Variants in EYS observed in about 807,000 individuals in gnomAD.
The protein encoded by EYS is EGF-like photoreceptor maintenance factor, also known as protein eyes shut homolog.
A neutral mutation model predicts 282.1 loss-of-function variants in EYS; 250 were observed. The observed-to-expected ratio is 0.89, with a 90% CI of 0.80 to 0.98. EYS has a LOEUF of 0.98. Ranked by LOEUF, EYS falls within the 50% of genes least tolerant of loss-of-function variation. EYS has a pLI of 0.00. For synonymous variants in EYS, 1,355 were observed against 1,282.9 expected (o/e 1.06, Z -1.20); for missense variants, 4,016 against 3,709.0 (o/e 1.08, Z -2.15).
At chr6:64,983,413 G>C (rs1003582513) in intron 14 of EYS, among the ~76,000 whole-genome samples, 1 of 151,134 alleles carries the variant, frequency 6.6e-6, no homozygotes, top group Non-Finnish European at 1.5e-5. Flanking sequence ...ATTTGTGTCA[G>C]GATAAATAGA....
intron 2 of EYS, among the ~76,000 whole-genome samples, chr6:65,633,757 C>T (rs1270169419): frequency 6.6e-6 from 1 of 152,202 alleles, no homozygotes; most frequent in Non-Finnish European, 1.5e-5. Flanking sequence ...GGTCAGCAAA[C>T]TAAAGCCCAC....
chr6:63,954,764 T>C (rs1008449492), intron 35 of EYS, among the ~76,000 whole-genome samples: 10 of 152,180 alleles, frequency 6.6e-5, no homozygotes, highest in African/African-American at 2.2e-4. Flanking sequence ...AAGCAAATGG[T>C]TCTTGGACCA....
At chr6:63,855,069 A>G (rs1169140768) in intron 36 of EYS, among the ~76,000 whole-genome samples, 3 of 152,232 alleles carry the variant, frequency 2.0e-5, no homozygotes, top group African/African-American at 7.2e-5. Flanking sequence ...AGAAAGAAGA[A>G]TTCCTTGGTT....
At chr6:63,757,554 C>T (rs1325666296) in intron 41 of EYS, among the ~76,000 whole-genome samples, 1 of 152,086 alleles carries the variant, frequency 6.6e-6, no homozygotes, top group Non-Finnish European at 1.5e-5. Flanking sequence ...ACTCCCTGTT[C>T]ATACACCCCC....
chr6:63,939,716 T>G (rs1765177005), intron 35 of EYS, among the ~76,000 whole-genome samples: 1 of 151,972 alleles, frequency 6.6e-6, no homozygotes, highest in Non-Finnish European at 1.5e-5. Context: ...GAAAAAAAAC[T>G]AAGGAAAAGA....
intron 29 of EYS, among the ~76,000 whole-genome samples, chr6:64,319,146 C>A (rs755944572): frequency 9.9e-5 from 15 of 151,864 alleles, no homozygotes; most frequent in East Asian, 1.9e-4. Flanking sequence ...ACTGATTTAG[C>A]CCAATTTAAG....
At chr6:65,530,436 A>G (rs1379211858) in intron 2 of EYS, among the ~76,000 whole-genome samples, 1 of 152,216 alleles carries the variant, frequency 6.6e-6, no homozygotes, top group Non-Finnish European at 1.5e-5. Context: ...ATGACTTCTA[A>G]GCTACAAGAT....
chr6:64,916,435 G>C (rs957202690), intron 15 of EYS, among the ~76,000 whole-genome samples: 1 of 152,114 alleles, frequency 6.6e-6, no homozygotes, highest in African/African-American at 2.4e-5. Flanking sequence ...GAGATAACAT[G>C]GATGTTTTAT....
At chr6:65,522,835 C>T (rs1349410104) in intron 2 of EYS, among the ~76,000 whole-genome samples, 1 of 152,102 alleles carries the variant, frequency 6.6e-6, no homozygotes, top group Non-Finnish European at 1.5e-5. Flanking sequence ...GAACTTTTCA[C>T]ATTTTATGGC....
chr6:65,302,003 A>AT (rs75519588), intron 11 of EYS, among the ~76,000 whole-genome samples: 493 of 152,222 alleles, frequency 3.2e-3, no homozygotes, highest in Middle Eastern at 0.01. Context: ...TGAAAAACTG[A>AT]TTTTTTTTGT....
At chr6:64,790,732 A>G (rs890958778) in intron 22 of EYS, among the ~76,000 whole-genome samples, 7 of 151,904 alleles carry the variant, frequency 4.6e-5, no homozygotes, top group East Asian at 1.9e-4. Context: ...TCTTACTTCT[A>G]TGTAAGGTTT....
chr6:64,866,152 T>C (rs182670957), intron 19 of EYS, among the ~76,000 whole-genome samples: 2 of 152,102 alleles, frequency 1.3e-5, no homozygotes, highest in African/African-American at 4.8e-5. Context: ...ATTCTTTGCA[T>C]GTTCATGAAA....
At chr6:65,698,265 T>G (rs1417084203) in intron 1 of EYS, among the ~76,000 whole-genome samples, 1 of 152,146 alleles carries the variant, frequency 6.6e-6, no homozygotes, top group Non-Finnish European at 1.5e-5. Context: ...ATTGCTTAAT[T>G]GAGAAGCATA....
chr6:64,237,200 A>C (rs1766637777), intron 30 of EYS, among the ~76,000 whole-genome samples: 1 of 152,186 alleles, frequency 6.6e-6, no homozygotes, highest in East Asian at 1.9e-4. Context: ...AATAAGTGTC[A>C]TATGCAGAAT....
intron 31 of EYS, among the ~76,000 whole-genome samples, chr6:64,174,383 A>G (rs1266643767): frequency 6.6e-6 from 1 of 152,084 alleles, no homozygotes; most frequent in Non-Finnish European, 1.5e-5. Context: ...TTTGTTAAAT[A>G]TCACAATCGT....
At chr6:65,622,232 T>C (rs2149802712) in intron 2 of EYS, among the ~76,000 whole-genome samples, 1 of 150,850 alleles carries the variant, frequency 6.6e-6, no homozygotes, top group Non-Finnish European at 1.5e-5. Context: ...GGAGAACCTT[T>C]GGAGATGAGA....
Position 63,726,633 on chromosome 6 carries a change from T to A in EYS, c.8119A>T (p.Met2707Leu). The A allele has an allele frequency of 1.9e-6, 3 of 1,551,274 alleles. No individual in the cohort carries two copies. Among genetic ancestry groups the A allele is most frequent in the Non-Finnish European group, 1.7e-6 (2 of 1,146,726 alleles). Residue 2707 changes from methionine (M) to leucine (L), a missense_variant, in exon 42 of 43, where the codon ATG (methionine) becomes TTG (leucine). Met to Leu is a conservative substitution (Grantham distance 15). Transcript: ENST00000503581. ...CGAACATGAAAGGAAGCAAAAGACATCCAGGATAACTCATTGCTTCTGAAA... is the reference window on the plus strand; with the variant it reads ...CGAACATGAAAGGAAGCAAAAGACAACCAGGATAACTCATTGCTTCTGAAA... ...PSFRSNELSWMSFASFHVRKK... is the reference protein window; with the variant it reads ...PSFRSNELSWLSFASFHVRKK...
chr6:64,067,059 G>A (rs902229368), intron 32 of EYS, among the ~76,000 whole-genome samples: 8 of 151,890 alleles, frequency 5.3e-5, no homozygotes, highest in African/African-American at 1.4e-4. Flanking sequence ...ACTTTGAAAT[G>A]TTCTTTTCTA....
At chr6:63,823,179 A>G (rs1201914759) in intron 36 of EYS, among the ~76,000 whole-genome samples, 1 of 152,104 alleles carries the variant, frequency 6.6e-6, no homozygotes, top group African/African-American at 2.4e-5. Context: ...GCTAATATTT[A>G]CCTTTTTCTC....
Sources: gnomAD v4.1 joint callset for allele counts (sites outside exome capture counted in the v4.1 genomes callset) on GRCh38, gnomAD v4.1.1 for gene constraint, MANE v1.5 for transcripts, NCBI Gene and HGNC (gene_info 2026-07-23, HGNC 2026-07-21) for gene names.